The following BPIFB1 variants were observed in gnomAD, a reference collection of about 807,000 sequenced individuals.
BPIFB1 encodes the protein BPI fold-containing family B member 1.
Under a neutral mutation model 55.1 loss-of-function variants are expected in BPIFB1, and 34 were observed. The observed-to-expected ratio is 0.62, with a 90% confidence interval of 0.47 to 0.82. BPIFB1 has a LOEUF of 0.82. Ranked by LOEUF, BPIFB1 falls within the 40% of genes least tolerant of loss-of-function variation. BPIFB1 has a pLI of 0.00. For synonymous variants in BPIFB1, 236 were observed against 245.3 expected (o/e 0.96, Z 0.35); for missense variants, 532 against 593.1 (o/e 0.90, Z 1.07).
intron 8 of BPIFB1, among the ~76,000 whole-genome samples, chr20:33,300,834 C>T (rs1214589165): frequency 1.3e-5 from 2 of 152,182 alleles, no homozygotes; most frequent in Non-Finnish European, 2.9e-5. Flanking sequence ...ATGATCCTCC[C>T]ACTTCGGCCT....
At chr20:33,296,280 C>T (rs1980652562) in intron 6 of BPIFB1, among the ~76,000 whole-genome samples, 1 of 152,172 alleles carries the variant, frequency 6.6e-6, no homozygotes, top group African/African-American at 2.4e-5. Context: ...CCTGGCAGTG[C>T]CTGCTGGGAG....
At position 33,303,072 on chromosome 20, in the gene BPIFB1, A is replaced by T; in HGVS notation, c.1138A>T (p.Ile380Phe). ...EALRPLFTLG[I>F]EASSEAQFYT... Reference sequence around the variant, plus strand: ...CCTCCGCCCTTTGTTCACCCTGGGCATCGTGAGTTCAGTTGTCTGCGATAT... The same window carrying T: ...CCTCCGCCCTTTGTTCACCCTGGGCTTCGTGAGTTCAGTTGTCTGCGATAT... Residue 380 changes from isoleucine (I) to phenylalanine (F), a missense_variant and splice_region_variant, in exon 11 of 16, where the codon ATC (isoleucine) becomes TTC (phenylalanine). By Grantham distance (21) the Ile-to-Phe change is conservative. Transcript: ENST00000253354. 1 of 1,613,598 alleles carries T rather than the reference A, an allele frequency of 6.2e-7. No individual in the cohort carries two copies. The highest frequency in any genetic ancestry group is 8.5e-7 in the Non-Finnish European group (1 of 1,179,996).
Position 33,291,963 on chromosome 20 carries a change from C to A in BPIFB1, c.572C>A (p.Ser191Tyr), listed in dbSNP as rs772142756. 6.2e-7 allele frequency: 1 copy of A among 1,614,264 alleles called. No individual in the cohort carries two copies. Among genetic ancestry groups the A allele is most frequent in the South Asian group, 1.1e-5 (1 of 91,086 alleles). ...AKQVMNLLVP[S>Y]LPNLVKNQLC... ...CAGGTCATGAACCTCCTAGTGCCAT[C>A]CCTGCCCAATCTAGTGAAAAACCAG... The change falls in exon 6 of 16, where the codon TCC (serine) becomes TAC (tyrosine). Residue 191 changes from serine to tyrosine, a missense_variant. Ser to Tyr is a moderately radical substitution (Grantham distance 144). Transcript: ENST00000253354.
intron 7 of BPIFB1, chr20:33,299,231 G>A (rs536722960): frequency 2.2e-6 from 1 of 453,516 alleles, no homozygotes; most frequent in East Asian, 7.0e-5. Flanking sequence ...TGGAGCGGTA[G>A]GCGGCCGGTC....
In BPIFB1 at chr20:33,286,265, G is replaced by A. The variant is rs2146525119; in HGVS notation, c.115+77G>A. 3.9e-6 allele frequency: 5 copies of A among 1,285,418 alleles called. No homozygotes were observed. The East Asian group carries it at 7.1e-5, about 18-fold the overall frequency. The allele number at this position is 1,285,418 out of a possible 1,614,324, so 79.6% of individuals were successfully genotyped here. A position where few individuals can be genotyped will look rare whatever the true frequency, so the allele number is the denominator to read the frequency against. On this transcript the variant is annotated intron_variant, in intron 2 of 15. Transcript: ENST00000253354. The stretch of plus-strand genomic sequence containing the variant: ...AGCAGCTTCCCAAAGGAGGGAGAGA[G>A]TTCCTCATCACGGGGGATGTGCATG...
At chr20:33,285,717 C>CAAA (rs71870806) in intron 1 of BPIFB1, among the ~76,000 whole-genome samples, 1 of 108,370 alleles carries the variant, frequency 9.2e-6, no homozygotes. Flanking sequence ...GACTCTGTCT[C>CAAA]AAAAAAAAAA....
intron 6 of BPIFB1, among the ~76,000 whole-genome samples, chr20:33,293,266 G>A (rs1980530922): frequency 6.7e-6 from 1 of 149,642 alleles, no homozygotes; most frequent in Admixed American, 6.6e-5. Context: ...AAAAAATTTG[G>A]GGAAAAAAAA....
chr20:33,290,860 G>A, intron 4 of BPIFB1, 97 bp from the exon 5 acceptor site: 1 of 1,350,118 alleles, frequency 7.4e-7, no homozygotes, highest in East Asian at 2.4e-5. Context: ...AGGAGACTGA[G>A]GAAGGAGGTG....
chr20:33,303,292 T>C (rs375504841), intron 11 of BPIFB1, among the ~76,000 whole-genome samples: 35 of 152,266 alleles, frequency 2.3e-4, no homozygotes, highest in Middle Eastern at 3.4e-3. Flanking sequence ...ACTCAACTCA[T>C]ATGCACAAAA....
chr20:33,306,358 G>A (rs562587382), intron 14 of BPIFB1, among the ~76,000 whole-genome samples: 10 of 152,294 alleles, frequency 6.6e-5, no homozygotes, highest in South Asian at 6.2e-4. Context: ...AACTGGAGGC[G>A]CCTCAGCAGA....
intron 7 of BPIFB1, chr20:33,298,645 T>C (rs1448830275): frequency 2.6e-5 from 4 of 153,756 alleles, no homozygotes; most frequent in African/African-American, 9.7e-5. Context: ...CTCCGAGCAA[T>C]GAAGTCACTG....
At chr20:33,288,621 G>T in intron 2 of BPIFB1, 120 bp from the exon 3 acceptor site, 3 of 1,200,780 alleles carry the variant, frequency 2.5e-6, no homozygotes, top group Non-Finnish European at 2.3e-6. Context: ...AGTAGAGATG[G>T]CTACACCCTC....
At chr20:33,305,922 G>A (rs1981009845) in intron 13 of BPIFB1, 80 bp from the exon 14 acceptor site, 1 of 1,487,818 alleles carries the variant, frequency 6.7e-7, no homozygotes, top group East Asian at 2.3e-5. Flanking sequence ...CCCATGGGGA[G>A]GAGCCACACC....
chr20:33,303,775 G>T (rs79918831), intron 11 of BPIFB1, among the ~76,000 whole-genome samples, 183 bp from the exon 12 acceptor site: 2,444 of 152,250 alleles, frequency 0.016, 77 homozygotes, highest in African/African-American at 0.057. Flanking sequence ...GTTAAATGGG[G>T]AGTGGAGGCA....
intron 14 of BPIFB1, chr20:33,306,676 G>A (rs1022230980): frequency 2.3e-5 from 13 of 555,506 alleles, no homozygotes; most frequent in East Asian, 9.1e-5. Context: ...GAGCAAGAGC[G>A]TAAGAGAATG....
chr20:33,283,645 G>A (rs1980169557), intron 1 of BPIFB1, among the ~76,000 whole-genome samples: 1 of 152,164 alleles, frequency 6.6e-6, no homozygotes, highest in Non-Finnish European at 1.5e-5. Flanking sequence ...CCAGGGACAT[G>A]GGAGTGGAGG....
chr20:33,288,834 T>A lies in BPIFB1; in HGVS notation c.209T>A (p.Ile70Asn). 1 of 1,613,984 alleles carries A rather than the reference T, an allele frequency of 6.2e-7. No individual in the cohort carries two copies. The highest frequency in any genetic ancestry group is 8.5e-7 in the Non-Finnish European group (1 of 1,180,030). Residue 70 changes from isoleucine (I) to asparagine (N), a missense_variant, in exon 3 of 16, where the codon ATC becomes AAC. By Grantham distance (149) the Ile-to-Asn change is moderately radical. Transcript: ENST00000253354. The part of the protein sequence containing the change: ...SAMREKPAGG[I>N]PVLGSLVNTV... Reference sequence around the variant, plus strand: ...ATGCGGGAAAAGCCAGCCGGAGGCATCCCTGTGCTGGGCAGCCTGGTGAAC... The same window carrying A: ...ATGCGGGAAAAGCCAGCCGGAGGCAACCCTGTGCTGGGCAGCCTGGTGAAC...
At chr20:33,299,157 T>C (rs1181242201) in intron 7 of BPIFB1, 4 of 456,634 alleles carry the variant, frequency 8.8e-6, no homozygotes, top group Non-Finnish European at 1.8e-5. Flanking sequence ...CCAAGGTCAC[T>C]GGGGCTCAAA....
In BPIFB1 at chr20:33,291,976, A is replaced by G; in HGVS notation, c.585A>G (p.Leu195=). 1 of 1,614,154 alleles carries G rather than the reference A, an allele frequency of 6.2e-7. No homozygotes were observed. The highest frequency in any genetic ancestry group is 1.7e-5 in the Admixed American group (1 of 60,030). Residue 195 remains leucine (L), a synonymous_variant, in exon 6 of 16, where the codon CTA becomes CTG. Transcript: ENST00000253354. ...MNLLVPSLPN[L]VKNQLCPVIE... The stretch of plus-strand genomic sequence containing the variant: ...TCCTAGTGCCATCCCTGCCCAATCT[A>G]GTGAAAAACCAGGTGAGTGGAATCA...
Sources: gnomAD v4.1 joint callset for allele counts (sites outside exome capture counted in the v4.1 genomes callset) on GRCh38, gnomAD v4.1.1 for gene constraint, MANE v1.5 for transcripts, NCBI Gene and HGNC (gene_info 2026-07-23, HGNC 2026-07-21) for gene names.